CNOT1: variants seen among roughly 807,000 people sequenced by gnomAD.
CNOT1 encodes the protein CCR4-NOT transcription complex subunit 1, also known as CCR4-associated factor 1.
A neutral mutation model predicts 273.8 loss-of-function variants in CNOT1; 15 were observed. That is an observed-to-expected ratio of 0.05 (90% CI 0.04 to 0.08). The LOEUF (loss-of-function observed/expected upper bound fraction) is 0.08, where lower values mean the gene tolerates loss of function less well. Among genes scored for constraint, CNOT1 ranks in the 10% least tolerant of loss-of-function variants. CNOT1 has a pLI of 1.00. For missense variants in CNOT1, 1,644 were observed against 2,912.2 expected (o/e 0.56, Z 10.02); for synonymous variants, 1,022 against 1,005.5 (o/e 1.02, Z -0.31).
chr16:58,541,542 C>A lies in CNOT1; in HGVS notation c.4759G>T (p.Asp1587Tyr). Residue 1587 changes from aspartate (D) to tyrosine (Y), a missense_variant, in exon 34 of 49, where the codon GAC becomes TAC. Physicochemically the swap from Asp to Tyr is radical, Grantham distance 160. Around this residue, in one of 13 missense-constraint regions of CNOT1, gnomAD observed 170 missense variants for 273.1 expected, o/e 0.62. Coordinates refer to ENST00000317147, the MANE Select transcript of CNOT1 (RefSeq NM_016284.5). ...RNVPGFLPTN[D>Y]LSQPTGFLAQ... ...AAAAATCCCGTGGGCTGACTTAAGT[C>A]ATTTGTAGGTAAGAAGCCAGGAACA... 1 of 1,614,006 alleles carries A rather than the reference C, an allele frequency of 6.2e-7. No individual in the cohort carries two copies. The highest frequency in any genetic ancestry group is 8.5e-7 in the Non-Finnish European group (1 of 1,179,916).
At position 58,585,341 on chromosome 16, in the gene CNOT1, G is replaced by C; in HGVS notation, c.803C>G (p.Ala268Gly). 6.2e-7 allele frequency: 1 copy of C among 1,613,776 alleles called. No individual in the cohort carries two copies. ...CTTAACACATTTTACTACCAACCTT[G>C]CACAAAAGCCATAGCCTACTTCTTG... ...FMQEVGYGFC[A>G]SIEECRNIIV... Residue 268 changes from alanine (A) to glycine (G), a missense_variant, in exon 8 of 49, where the codon GCA (alanine) becomes GGA (glycine). Around this residue, in one of 13 missense-constraint regions of CNOT1, gnomAD observed 706 missense variants for 1,021.2 expected, o/e 0.69. Transcript: ENST00000317147.
intron 31 of CNOT1, chr16:58,543,336 T>TA: frequency 6.5e-7 from 1 of 1,549,394 alleles, no homozygotes; most frequent in Non-Finnish European, 8.7e-7. Flanking sequence ...ATTTCCTTTT[T>TA]AAATCTTAAT....
rs1041512386 is a variant in CNOT1, at chr16:58,582,907, T to C, written c.934-4A>G. The C allele has an allele frequency of 6.2e-7, 1 of 1,612,982 alleles. No homozygotes were observed. Among genetic ancestry groups the C allele is most frequent in the Non-Finnish European group, 8.5e-7 (1 of 1,179,184 alleles). ...CACTGCCCGGAGCAGAAATACTCTG[T>C]AGAAGTAAAACTTGAATTAAACAAA... On this transcript the variant is annotated splice_region_variant and splice_polypyrimidine_tract_variant and intron_variant, in intron 9 of 48. Coordinates refer to ENST00000317147, the MANE Select transcript of CNOT1 (RefSeq NM_016284.5).
At chr16:58,603,989 C>G (rs2042574532) in intron 1 of CNOT1, among the ~76,000 whole-genome samples, 1 of 152,178 alleles carries the variant, frequency 6.6e-6, no homozygotes, top group Non-Finnish European at 1.5e-5. Flanking sequence ...TAAGAACTCA[C>G]TAAATATTTG....
intron 16 of CNOT1, among the ~76,000 whole-genome samples, chr16:58,570,456 A>T (rs1177089514): frequency 1.3e-5 from 2 of 152,158 alleles, no homozygotes; most frequent in African/African-American, 4.8e-5. Flanking sequence ...TGGGCAACAT[A>T]CTGAGAACCT....
At position 58,543,195 on chromosome 16, in the gene CNOT1, A is replaced by G. The variant is rs929574296; in HGVS notation, c.4434+412T>C. 3 of 1,490,360 alleles carry G rather than the reference A, an allele frequency of 2.0e-6. No individual in the cohort carries two copies. The South Asian group carries it at 3.8e-5, about 19-fold the overall frequency. The allele number at this position is 1,490,360 out of a possible 1,614,324, so 92.3% of individuals were successfully genotyped here. A position where few individuals can be genotyped will look rare whatever the true frequency, so the allele number is the denominator to read the frequency against. ...TGAATTATTAACCATGATATCTGAG[A>G]CTCAAAACTAGTAAGTGAATTATTT... On this transcript the variant is annotated intron_variant, in intron 31 of 48. Transcript: ENST00000317147.
intron 1 of CNOT1, among the ~76,000 whole-genome samples, chr16:58,607,815 T>G (rs954919175): frequency 4.0e-5 from 6 of 151,830 alleles, no homozygotes; most frequent in Non-Finnish European, 5.9e-5. Context: ...AAAAATTCAC[T>G]GATTACATCT....
chr16:58,525,282 A>C lies in CNOT1; in HGVS notation c.6681T>G (p.Ile2227Met). 1.9e-6 allele frequency: 3 copies of C among 1,614,018 alleles called. No homozygotes were observed. Among genetic ancestry groups the C allele is most frequent in the Non-Finnish European group, 2.5e-6 (3 of 1,180,038 alleles). Reference sequence around the variant, plus strand: ...TGCTGCCCTTGTTGTGGATGTGCGCAATGGCCTGAGTCCCGACATAGAGCA... The same window carrying C: ...TGCTGCCCTTGTTGTGGATGTGCGCCATGGCCTGAGTCCCGACATAGAGCA... ...ALVLYVGTQAIAHIHNKGSTP... is the reference protein window; with the variant it reads ...ALVLYVGTQAMAHIHNKGSTP... Residue 2227 changes from isoleucine (I) to methionine (M), a missense_variant, in exon 46 of 49, where the codon ATT (isoleucine) becomes ATG (methionine). Ile to Met is a conservative substitution (Grantham distance 10). This residue lies in a region of CNOT1 where 140 missense variants were observed against 324.6 expected (regional missense o/e 0.43). Transcript: ENST00000317147.
intron 30 of CNOT1, among the ~76,000 whole-genome samples, chr16:58,544,224 TAAAAG>T (rs1007979039): frequency 6.6e-6 from 1 of 152,212 alleles, no homozygotes; most frequent in Non-Finnish European, 1.5e-5. Flanking sequence ...CAAGTGCTCT[TAAAAG>T]AAAGCAACTT....
At position 58,549,724 on chromosome 16, in the gene CNOT1, T is replaced by C; in HGVS notation, c.3517A>G (p.Ile1173Val). The C allele has an allele frequency of 6.3e-7, 1 of 1,595,326 alleles. No individual in the cohort carries two copies. The highest frequency in any genetic ancestry group is 8.5e-7 in the Non-Finnish European group (1 of 1,174,878). Residue 1173 changes from isoleucine to valine, a missense_variant, in exon 25 of 49, where the codon ATT becomes GTT. Around this residue, in one of 13 missense-constraint regions of CNOT1, gnomAD observed 124 missense variants for 289.3 expected, o/e 0.43. Coordinates refer to ENST00000317147, the MANE Select transcript of CNOT1 (RefSeq NM_016284.5). The part of the protein sequence containing the change: ...KMVLNETYRN[I>V]KVLLTSDKAA... ...ATATAAGAACCAACTCTTACTTTAA[T>C]GTTTCTGTAGGTCTCATTCAGAACC...
chr16:58,528,144 G>T (rs373872178), intron 44 of CNOT1: 13 of 494,892 alleles, frequency 2.6e-5, no homozygotes, highest in East Asian at 1.1e-4. Flanking sequence ...AGGTCTGTTT[G>T]TTCTGCAATT....
chr16:58,606,043 A>G (rs1218210249), intron 1 of CNOT1, among the ~76,000 whole-genome samples: 3 of 152,180 alleles, frequency 2.0e-5, no homozygotes, highest in Non-Finnish European at 4.4e-5. Context: ...ATTTGACAAT[A>G]ATATACTACA....
chr16:58,587,380 G>A lies in CNOT1; in HGVS notation c.343C>T (p.Leu115=). 6.2e-7 allele frequency: 1 copy of A among 1,613,928 alleles called. No homozygotes were observed. Among genetic ancestry groups the A allele is most frequent in the Non-Finnish European group, 8.5e-7 (1 of 1,179,996 alleles). Residue 115 remains leucine, a synonymous_variant, in exon 5 of 49, where the codon CTG becomes TTG. Coordinates refer to ENST00000317147, the MANE Select transcript of CNOT1 (RefSeq NM_016284.5). ...TTGCTTAATTTGAGCACTTTACTCA[G>A]CTGGGCAAATAAGTGGGGTGCAGGC... ...LKPAPHLFAQ[L]SKVLKLSKVQ...
intron 2 of CNOT1, among the ~76,000 whole-genome samples, chr16:58,593,369 G>C (rs1221762440): frequency 6.6e-6 from 1 of 152,136 alleles, no homozygotes. Context: ...AGACCGGCCT[G>C]ACCAACATGG....
chr16:58,548,945 T>C (rs972659335), intron 25 of CNOT1, among the ~76,000 whole-genome samples: 12 of 152,178 alleles, frequency 7.9e-5, no homozygotes, highest in African/African-American at 2.9e-4. Context: ...CCAGCAGCAA[T>C]ACAAATACAT....
chr16:58,573,244 T>G (rs1468382020), intron 16 of CNOT1, among the ~76,000 whole-genome samples: 1 of 149,552 alleles, frequency 6.7e-6, no homozygotes. Context: ...AGGCAGAAGT[T>G]GCAGTGAGCC....
At chr16:58,629,216 C>T (rs1457940624) in intron 1 of CNOT1, among the ~76,000 whole-genome samples, 1 of 152,214 alleles carries the variant, frequency 6.6e-6, no homozygotes, top group East Asian at 1.9e-4. Context: ...GTGGCAGCTC[C>T]GAGTACACGG....
intron 44 of CNOT1, among the ~76,000 whole-genome samples, chr16:58,526,813 G>A (rs1160559709): frequency 9.6e-6 from 1 of 104,092 alleles, no homozygotes; most frequent in Non-Finnish European, 1.8e-5. Context: ...ACGAAACTCC[G>A]TCTCAAAAAA....
intron 1 of CNOT1, among the ~76,000 whole-genome samples, chr16:58,604,966 C>T (rs147261677): frequency 6.7e-6 from 1 of 150,024 alleles, no homozygotes; most frequent in Non-Finnish European, 1.5e-5. Flanking sequence ...GAAACCCCAT[C>T]TCTACTAAAA....
Sources: gnomAD v4.1 joint callset for allele counts (sites outside exome capture counted in the v4.1 genomes callset) on GRCh38, gnomAD v4.1.1 for gene constraint, gnomAD v4.1.1 regional missense constraint, MANE v1.5 for transcripts, NCBI Gene and HGNC (gene_info 2026-07-23, HGNC 2026-07-21) for gene names.